PDE5A: variants seen among roughly 807,000 people sequenced by gnomAD.
PDE5A encodes phosphodiesterase 5A.
In PDE5A, 67 loss-of-function variants were observed where a neutral mutation model predicts 110.2. The ratio of observed to expected loss-of-function variants is 0.61; its 90% CI spans 0.50 to 0.75. PDE5A has a LOEUF of 0.75. Ranked by LOEUF, PDE5A falls within the 30% of genes least tolerant of loss-of-function variation. PDE5A has a pLI of 0.00. For synonymous variants in PDE5A, 328 were observed against 351.2 expected, an observed-to-expected ratio of 0.93 and a Z score of 0.74; for missense variants, 862 against 1,045.1, an observed-to-expected ratio of 0.82 and a Z score of 2.42.
intron 11 of PDE5A, among the ~76,000 whole-genome samples, chr4:119,533,838 A>C (rs1240343370): frequency 6.6e-6 from 1 of 152,180 alleles, no homozygotes; most frequent in Non-Finnish European, 1.5e-5. Context: ...TTATGATTGC[A>C]ATTGGGAATA....
intron 3 of PDE5A, among the ~76,000 whole-genome samples, chr4:119,588,507 C>G (rs947711284): frequency 1.5e-5 from 2 of 137,894 alleles, no homozygotes; most frequent in African/African-American, 2.7e-5. Context: ...AATTTAAAAG[C>G]AAGTATCTTC....
At chr4:119,523,326 G>C (rs186992679) in intron 12 of PDE5A, among the ~76,000 whole-genome samples, 1 of 152,062 alleles carries the variant, frequency 6.6e-6, no homozygotes, top group Non-Finnish European at 1.5e-5. Flanking sequence ...AGTCATTATA[G>C]GAGAATAACT....
intron 9 of PDE5A, chr4:119,543,918 C>T (rs574219435): frequency 6.6e-6 from 1 of 152,288 alleles, no homozygotes; most frequent in Admixed American, 6.5e-5. Flanking sequence ...TTCTCTCTCT[C>T]TTTCTAGACT....
chr4:119,538,681 T>C, intron 11 of PDE5A: 1 of 329,328 alleles, frequency 3.0e-6, no homozygotes, highest in South Asian at 3.7e-5. Flanking sequence ...GGTCCCCATT[T>C]CTCCAGGAAC....
At chr4:119,604,088 T>C (rs1042237824) in intron 2 of PDE5A, among the ~76,000 whole-genome samples, 12 of 152,248 alleles carry the variant, frequency 7.9e-5, no homozygotes, top group African/African-American at 2.9e-4. Flanking sequence ...TCTTGGGACA[T>C]GAAATAACTC....
intron 1 of PDE5A, among the ~76,000 whole-genome samples, chr4:119,614,542 CA>C (rs1398328892): frequency 6.6e-6 from 1 of 152,090 alleles, no homozygotes; most frequent in East Asian, 1.9e-4. Flanking sequence ...CTCATTTTAT[CA>C]TTGAGAGCGC....
Position 119,520,679 on chromosome 4 carries a change from C to A in PDE5A, c.1905+256G>T, listed in dbSNP as rs182155249. On this transcript the variant is annotated intron_variant, in intron 13 of 20. Transcript: ENST00000354960. ...AAGGAAATATTTATTTGCCCAAAGA[C>A]TATTTACGTGCAACATGAAGTTATT... is the stretch of plus-strand genomic sequence containing the variant. 1.2e-4 allele frequency among the ~76,000 whole-genome samples: 19 copies of A among 152,144 alleles called. No homozygotes were observed. In the East Asian group the frequency reaches 3.7e-3, roughly 29 times the overall value.
Position 119,596,577 on chromosome 4 carries a change from T to C in PDE5A, c.777A>G (p.Thr259=). The C allele has an allele frequency of 6.2e-7, 1 of 1,601,952 alleles. No individual in the cohort carries two copies. Among genetic ancestry groups the C allele is most frequent in the Non-Finnish European group, 8.5e-7 (1 of 1,173,714 alleles). ...AAAGAATGCTTTGTGTCTTGTAGCC[T>C]GTAATTTGGTCAACTTCTGCATTGA... ...PRFNAEVDQI[T]GYKTQSILCM... is the part of the protein sequence containing the mutation. Residue 259 remains threonine, a synonymous_variant, in exon 3 of 21, where the codon ACA becomes ACG. Transcript: ENST00000354960.
At chr4:119,622,875 A>AG (rs1730205046) in intron 1 of PDE5A, among the ~76,000 whole-genome samples, 1 of 150,154 alleles carries the variant, frequency 6.7e-6, no homozygotes, top group Admixed American at 6.6e-5. Flanking sequence ...AAAAAAAAAA[A>AG]AAGAAAGAAA....
chr4:119,621,869 T>C lies in PDE5A; in HGVS notation c.152+6651A>G, dbSNP rs1014591330. 1.4e-4 allele frequency among the ~76,000 whole-genome samples: 22 copies of C among 152,288 alleles called. 1 individual carries two copies. Among genetic ancestry groups the C allele is most frequent in the Admixed American group, 1.4e-3 (22 of 15,296 alleles). The stretch of plus-strand genomic sequence containing the variant: ...CTTTCTTTAATAGGAGTACATTACT[T>C]AAGTTTGAAAAATGAGATTGGCCGG... On this transcript the variant is annotated intron_variant, in intron 1 of 20. Coordinates refer to ENST00000354960, the MANE Select transcript of PDE5A (RefSeq NM_001083.4).
intron 14 of PDE5A, among the ~76,000 whole-genome samples, chr4:119,518,366 GC>G (rs1480479348): frequency 2.0e-5 from 3 of 152,168 alleles, no homozygotes; most frequent in African/African-American, 7.2e-5. Context: ...CATCTCAAAT[GC>G]CACTTAAGTA....
At position 119,548,928 on chromosome 4, in the gene PDE5A, A is replaced by C. The variant is rs1439582317; in HGVS notation, c.1396+3622T>G. On this transcript the variant is annotated intron_variant, in intron 9 of 20. Transcript: ENST00000354960. ...TGTATACCATGGAAGACAATGTACA[A>C]TTATAAACAAATGAATAGTGATATT... is the stretch of plus-strand genomic sequence containing the variant. 2.0e-5 allele frequency: 3 copies of C among 152,204 alleles called. No individual in the cohort carries two copies. In the East Asian group the frequency reaches 5.8e-4, roughly 29 times the overall value. 9.4% of individuals were successfully genotyped at this position (152,204 alleles called of 1,614,324 possible).
chr4:119,554,288 A>G (rs1408886581), intron 7 of PDE5A, among the ~76,000 whole-genome samples: 10 of 151,912 alleles, frequency 6.6e-5, no homozygotes, highest in Admixed American at 5.3e-4. Context: ...CCCTTTGTTC[A>G]GTTTCCTCTC....
chr4:119,515,678 C>G (rs866618563), intron 14 of PDE5A, among the ~76,000 whole-genome samples: 5 of 148,020 alleles, frequency 3.4e-5, no homozygotes, highest in Middle Eastern at 3.4e-3. Flanking sequence ...GAAGTCATAT[C>G]TCCTTCCTTC....
chr4:119,507,541 A>G, intron 16 of PDE5A, 63 bp downstream of exon 16: 1 of 1,121,770 alleles, frequency 8.9e-7, no homozygotes, highest in Non-Finnish European at 1.3e-6. Flanking sequence ...TATGGATGTC[A>G]AAAGTTTGAA....
intron 14 of PDE5A, among the ~76,000 whole-genome samples, chr4:119,515,521 C>T (rs1725879811): frequency 2.0e-5 from 3 of 152,104 alleles, no homozygotes; most frequent in Admixed American, 2.0e-4. Flanking sequence ...AACTACCACC[C>T]TATTTATTAT....
chr4:119,530,307 T>G (rs1295585035), intron 11 of PDE5A, among the ~76,000 whole-genome samples: 2 of 152,266 alleles, frequency 1.3e-5, no homozygotes, highest in African/African-American at 4.8e-5. Flanking sequence ...AGAAGTTTTA[T>G]GGCTTTCCTA....
Position 119,496,741 on chromosome 4 carries a change from A to G in PDE5A, c.*1860T>C, listed in dbSNP as rs1007367266. ...AAGTATACACCTGTATGTATATATAACTATTATTTTAGTGATAGTCTGTGT... is the reference window on the plus strand; with the variant it reads ...AAGTATACACCTGTATGTATATATAGCTATTATTTTAGTGATAGTCTGTGT... On this transcript the variant is annotated 3_prime_UTR_variant, in exon 21 of 21. Transcript: ENST00000354960. The G allele has an allele frequency of 6.6e-6, 1 of 152,546 alleles. No individual in the cohort carries two copies. Among genetic ancestry groups the G allele is most frequent in the Non-Finnish European group, 1.5e-5 (1 of 67,982 alleles). 9.4% of individuals were successfully genotyped at this position (152,546 alleles called of 1,614,324 possible).
chr4:119,543,281 T>C (rs1727011941), intron 9 of PDE5A: 1 of 152,146 alleles, frequency 6.6e-6, no homozygotes, highest in African/African-American at 2.4e-5. Flanking sequence ...ACATCAACAT[T>C]AGGATAAATC....
Sources: allele counts gnomAD v4.1 joint callset (sites outside exome capture counted in the v4.1 genomes callset), GRCh38; gene constraint gnomAD v4.1.1; transcripts MANE v1.5; gene names NCBI Gene and HGNC (gene_info 2026-07-23, HGNC 2026-07-21).